The following CNTNAP2 variants were observed in gnomAD, a reference collection of about 807,000 sequenced individuals.
CNTNAP2 encodes contactin-associated protein-like 2.
In CNTNAP2, 98 loss-of-function variants were observed where a neutral mutation model predicts 155.2. The ratio of observed to expected loss-of-function variants is 0.63; its 90% CI spans 0.54 to 0.75. The LOEUF (loss-of-function observed/expected upper bound fraction) is 0.75. Among genes scored for constraint, CNTNAP2 ranks in the 30% least tolerant of loss-of-function variants. CNTNAP2 has a pLI of 0.00. For synonymous variants in CNTNAP2, 651 were observed against 631.2 expected (o/e 1.03, Z -0.47); for missense variants, 1,727 against 1,688.1 (o/e 1.02, Z -0.40).
chr7:147,119,137 C>T (rs1238915381), intron 5 of CNTNAP2, among the ~76,000 whole-genome samples: 1 of 152,146 alleles, frequency 6.6e-6, no homozygotes, highest in Non-Finnish European at 1.5e-5. Flanking sequence ...CACACATGCA[C>T]ACGTGTGCAC....
At chr7:146,580,910 C>A (rs892813420) in intron 1 of CNTNAP2, among the ~76,000 whole-genome samples, 1 of 152,044 alleles carries the variant, frequency 6.6e-6, no homozygotes, top group Non-Finnish European at 1.5e-5. Flanking sequence ...AAGCGACACT[C>A]TCACCTCAAA....
At chr7:146,812,873 A>G (rs893492881) in intron 2 of CNTNAP2, among the ~76,000 whole-genome samples, 1 of 152,018 alleles carries the variant, frequency 6.6e-6, no homozygotes, top group African/African-American at 2.4e-5. Context: ...ATGGTGCCCT[A>G]TGTCTCAGCT....
At chr7:146,274,299 G>A (rs187556270) in intron 1 of CNTNAP2, among the ~76,000 whole-genome samples, 20 of 152,270 alleles carry the variant, frequency 1.3e-4, no homozygotes, top group East Asian at 9.7e-4. Flanking sequence ...TGCAAATGGC[G>A]TAAGAAATGG....
At chr7:146,855,807 G>GTATATATATA (rs367900395) in intron 3 of CNTNAP2, among the ~76,000 whole-genome samples, 5 of 111,016 alleles carry the variant, frequency 4.5e-5, no homozygotes, top group African/African-American at 9.6e-5. Flanking sequence ...GTGTTAATGA[G>GTATATATATA]TATATATATA....
At chr7:148,037,643 T>C (rs551750892) in intron 15 of CNTNAP2, among the ~76,000 whole-genome samples, 104 of 140,514 alleles carry the variant, frequency 7.4e-4, no homozygotes, top group African/African-American at 2.5e-3. Flanking sequence ...CTTGAAAATA[T>C]ACAGTATTTT....
intron 1 of CNTNAP2, among the ~76,000 whole-genome samples, chr7:146,654,737 G>C (rs941241420): frequency 1.3e-5 from 2 of 151,946 alleles, no homozygotes; most frequent in Non-Finnish European, 2.9e-5. Context: ...TAATGTCTTT[G>C]GCTTGTTATA....
At chr7:146,669,359 C>T (rs1246214921) in intron 1 of CNTNAP2, among the ~76,000 whole-genome samples, 1 of 152,106 alleles carries the variant, frequency 6.6e-6, no homozygotes, top group Non-Finnish European at 1.5e-5. Flanking sequence ...TAATTTCAGA[C>T]TTCTTTACCC....
chr7:146,780,941 T>C (rs748481567), intron 2 of CNTNAP2, among the ~76,000 whole-genome samples: 1 of 151,806 alleles, frequency 6.6e-6, no homozygotes, highest in Non-Finnish European at 1.5e-5. Context: ...AAAACCTAGA[T>C]GACAGGGCCG....
chr7:146,211,518 AT>A (rs1290069413), intron 1 of CNTNAP2, among the ~76,000 whole-genome samples: 1 of 152,010 alleles, frequency 6.6e-6, no homozygotes, highest in Non-Finnish European at 1.5e-5. Flanking sequence ...ACTTAGATGT[AT>A]TTTTGTTTTC....
intron 5 of CNTNAP2, among the ~76,000 whole-genome samples, chr7:147,113,207 G>T (rs896057364): frequency 6.6e-6 from 1 of 151,936 alleles, no homozygotes; most frequent in African/African-American, 2.4e-5. Context: ...ATGGTACAGA[G>T]AATACTATAA....
At chr7:147,685,526 T>C (rs1027401024) in intron 13 of CNTNAP2, among the ~76,000 whole-genome samples, 1 of 151,996 alleles carries the variant, frequency 6.6e-6, no homozygotes, top group Non-Finnish European at 1.5e-5. Flanking sequence ...CATTCATTCA[T>C]TCAAAAAATG....
intron 1 of CNTNAP2, among the ~76,000 whole-genome samples, chr7:146,706,260 C>T (rs1289298743): frequency 6.6e-6 from 1 of 152,100 alleles, no homozygotes; most frequent in East Asian, 1.9e-4. Context: ...CTCATTGGTT[C>T]TAGCGATATT....
chr7:146,485,083 A>G (rs1797034612), intron 1 of CNTNAP2, among the ~76,000 whole-genome samples: 1 of 152,136 alleles, frequency 6.6e-6, no homozygotes, highest in Non-Finnish European at 1.5e-5. Context: ...AAATGGTAGT[A>G]ATTATCCTCT....
intron 14 of CNTNAP2, among the ~76,000 whole-genome samples, chr7:147,924,663 A>G (rs1056841865): frequency 2.0e-5 from 3 of 152,160 alleles, no homozygotes; most frequent in African/African-American, 7.2e-5. Flanking sequence ...GTGATGGTTA[A>G]GAGAACTGAA....
intron 9 of CNTNAP2, among the ~76,000 whole-genome samples, chr7:147,363,907 A>C (rs1386654011): frequency 6.6e-6 from 1 of 152,194 alleles, no homozygotes; most frequent in African/African-American, 2.4e-5. Context: ...AAATCTTTAA[A>C]TAAGCTTTTT....
intron 16 of CNTNAP2, among the ~76,000 whole-genome samples, chr7:148,122,944 G>A (rs1469733837): frequency 2.6e-5 from 4 of 152,212 alleles, no homozygotes; most frequent in Non-Finnish European, 4.4e-5. Flanking sequence ...TGGACGGGAA[G>A]ATCCTAGAAT....
At chr7:146,448,032 C>A (rs1388264054) in intron 1 of CNTNAP2, among the ~76,000 whole-genome samples, 1 of 151,926 alleles carries the variant, frequency 6.6e-6, no homozygotes, top group Admixed American at 6.6e-5. Flanking sequence ...CAACAGGAAG[C>A]TTCCTCTTAT....
At position 146,608,254 on chromosome 7, in the gene CNTNAP2, T is replaced by G. The variant is rs556890234; in HGVS notation, c.98-166017T>G. Among the ~76,000 whole-genome samples, 66 of 152,334 alleles carry G rather than the reference T, an allele frequency of 4.3e-4. No individual in the cohort carries two copies. The Middle Eastern group carries it at 0.01, about 24-fold the overall frequency. On this transcript the variant is annotated intron_variant, in intron 1 of 23. Coordinates refer to ENST00000361727, the MANE Select transcript of CNTNAP2 (RefSeq NM_014141.6). The stretch of plus-strand genomic sequence containing the variant: ...AAATATATTGTTCCTTTTTCCAGGT[T>G]TAAAACTCTTTAAGGCCAAGGCACA...
chr7:146,241,372 A>G (rs977003886), intron 1 of CNTNAP2, among the ~76,000 whole-genome samples: 3 of 152,242 alleles, frequency 2.0e-5, no homozygotes, highest in African/African-American at 7.2e-5. Flanking sequence ...GGATTAAACT[A>G]GTCTATATAG....
Sources: gnomAD v4.1 joint callset for allele counts (sites outside exome capture counted in the v4.1 genomes callset) on GRCh38, gnomAD v4.1.1 for gene constraint, MANE v1.5 for transcripts, NCBI Gene and HGNC (gene_info 2026-07-23, HGNC 2026-07-21) for gene names.